Variants in SMTN observed in about 807,000 individuals in gnomAD.
SMTN encodes the protein smoothelin.
In SMTN, 58 loss-of-function variants were observed where a neutral mutation model predicts 102.0. That is an observed-to-expected ratio of 0.57 (90% CI 0.46 to 0.71). SMTN has a LOEUF of 0.71. Ranked by LOEUF, SMTN falls within the 30% of genes least tolerant of loss-of-function variation. The pLI is 0.00. For synonymous variants in SMTN, 478 were observed against 497.9 expected (o/e 0.96, Z 0.53); for missense variants, 1,185 against 1,241.7 (o/e 0.95, Z 0.69).
At chr22:31,089,149 T>G (rs1217652495) in intron 6 of SMTN, among the ~76,000 whole-genome samples, 180 bp downstream of exon 6, 1 of 152,182 alleles carries the variant, frequency 6.6e-6, no homozygotes, top group Non-Finnish European at 1.5e-5. Flanking sequence ...GCACCTCCCC[T>G]GCTTCAACCC....
intron 20 of SMTN, 23 bp downstream of exon 20, chr22:31,101,072 C>T (rs2044051822): frequency 6.4e-7 from 1 of 1,569,996 alleles, no homozygotes. Flanking sequence ...GCCTCTACCA[C>T]CTGCCCCGTT....
At position 31,088,059 on chromosome 22, in the gene SMTN, T is replaced by G; in HGVS notation, c.146T>G (p.Leu49Arg). 2 of 1,612,064 alleles carry G rather than the reference T, an allele frequency of 1.2e-6. No homozygotes were observed. The highest frequency in any genetic ancestry group is 1.3e-5 in the African/African-American group (1 of 75,026). Reference protein sequence around the residue: ...RQELEREEEALASKRFRAERQ... With the variant: ...RQELEREEEARASKRFRAERQ... ...GAGCTGGAGCGCGAGGAGGAGGCCC[T>G]GGCATCCAAGCGTTTCCGTGCCGAG... is the stretch of plus-strand genomic sequence containing the variant. Residue 49 changes from leucine to arginine, a missense_variant, in exon 3 of 21, where the codon CTG becomes CGG. Transcript: ENST00000333137.
chr22:31,071,696 C>CTTT (rs760104691), intron 1 of SMTN, among the ~76,000 whole-genome samples: 2 of 87,808 alleles, frequency 2.3e-5, no homozygotes, highest in East Asian at 2.5e-4. Context: ...CTCTCTCTCT[C>CTTT]TTTTTTTTTT....
intron 13 of SMTN, chr22:31,096,454 A>G (rs933482751): frequency 1.1e-5 from 4 of 372,170 alleles, no homozygotes; most frequent in African/African-American, 8.4e-5. Context: ...ACTCATGCCT[A>G]TAGAAACCCT....
At chr22:31,088,397 C>A in intron 3 of SMTN, 116 bp from the exon 4 acceptor site, 1 of 926,008 alleles carries the variant, frequency 1.1e-6, no homozygotes, top group Non-Finnish European at 1.7e-6. Flanking sequence ...AGGGTGTGCA[C>A]AGCCACATGC....
chr22:31,079,816 T>A (rs937804802), upstream of SMTN, among the ~76,000 whole-genome samples: 1 of 152,202 alleles, frequency 6.6e-6, no homozygotes, highest in Non-Finnish European at 1.5e-5. Flanking sequence ...TAGGCTGGAG[T>A]GCAGTGGCAC....
chr22:31,104,470 G>A lies in SMTN; in HGVS notation c.*175G>A. On this transcript the variant is annotated 3_prime_UTR_variant, in exon 21 of 21. Transcript: ENST00000333137. Reference sequence around the variant, plus strand: ...CCTGCGCGGCAAGAATGTCTAGCCTGCCCGCCCGCATGGCCAGCCAGTGGC... The same window carrying A: ...CCTGCGCGGCAAGAATGTCTAGCCTACCCGCCCGCATGGCCAGCCAGTGGC... 6.2e-7 allele frequency: 1 copy of A among 1,612,052 alleles called. No individual in the cohort carries two copies. The highest frequency in any genetic ancestry group is 8.5e-7 in the Non-Finnish European group (1 of 1,179,808).
rs1280053884 is a variant in SMTN, at chr22:31,104,465, A to G, written c.*170A>G. 1 of 1,612,860 alleles carries G rather than the reference A, an allele frequency of 6.2e-7. No homozygotes were observed. The highest frequency in any genetic ancestry group is 2.2e-5 in the East Asian group (1 of 44,832). ...CTGCGCCTGCGCGGCAAGAATGTCT[A>G]GCCTGCCCGCCCGCATGGCCAGCCA... is the stretch of plus-strand genomic sequence containing the variant. On this transcript the variant is annotated 3_prime_UTR_variant, in exon 21 of 21. Coordinates refer to ENST00000333137, the MANE Select transcript of SMTN (RefSeq NM_134269.3).
At chr22:31,098,588 C>CA in intron 16 of SMTN, 79 bp from the exon 17 acceptor site, 1 of 1,436,694 alleles carries the variant, frequency 7.0e-7, no homozygotes, top group South Asian at 1.3e-5. Context: ...CAAGACCCCC[C>CA]CTCCTCCTCG....
Position 31,099,043 on chromosome 22 carries a change from C to A in SMTN, c.2334-19C>A. The A allele has an allele frequency of 6.2e-7, 1 of 1,605,894 alleles. No individual in the cohort carries two copies. The highest frequency in any genetic ancestry group is 8.5e-7 in the Non-Finnish European group (1 of 1,177,126). ...GCCCCTTATAGTCGTGTGACCTGGT[C>A]CTGACACCGCCCCTACAGCAGCCCT... On this transcript the variant is annotated intron_variant, in intron 17 of 20. Transcript: ENST00000333137.
chr22:31,082,932 TCC>T, intron 1 of SMTN: 1 of 1,533,078 alleles, frequency 6.5e-7, no homozygotes, highest in Non-Finnish European at 8.8e-7. Context: ...TGAGAGTCCA[TCC>T]CAGGCCACAC....
chr22:31,101,096 C>T (rs2044053996), intron 20 of SMTN, 47 bp downstream of exon 20: 2 of 1,532,698 alleles, frequency 1.3e-6, no homozygotes, highest in Non-Finnish European at 1.8e-6. Flanking sequence ...CCAGAATCTG[C>T]TCAGCAAGGC....
At chr22:31,101,217 C>T (rs2147817806) in intron 20 of SMTN, 168 bp downstream of exon 20, 5 of 640,660 alleles carry the variant, frequency 7.8e-6, no homozygotes, top group Admixed American at 2.9e-5. Flanking sequence ...CAGGTGAGAC[C>T]ATTCTAAATG....
chr22:31,085,241 A>T, intron 2 of SMTN: 1 of 1,531,616 alleles, frequency 6.5e-7, no homozygotes, highest in Non-Finnish European at 8.7e-7. Context: ...AGCAGGCGGT[A>T]GCGGGTGTCT....
chr22:31,091,530 G>A (rs372705008), intron 10 of SMTN, 48 bp downstream of exon 10: 13 of 1,510,758 alleles, frequency 8.6e-6, no homozygotes, highest in East Asian at 4.5e-5. Flanking sequence ...GCCTGCAACC[G>A]CACTTCTGCA....
chr22:31,091,539 C>A, intron 10 of SMTN, 57 bp downstream of exon 10: 1 of 1,508,372 alleles, frequency 6.6e-7, no homozygotes, highest in Non-Finnish European at 8.9e-7. Context: ...CGCACTTCTG[C>A]ATGCAGGACA....
intron 1 of SMTN, chr22:31,082,600 A>G (rs922064347): frequency 3.5e-6 from 2 of 567,666 alleles, no homozygotes; most frequent in Admixed American, 4.4e-5. Flanking sequence ...AATTGGCAGG[A>G]GGTGCTGGGT....
At chr22:31,068,239 G>C (rs1016442605) in intron 1 of SMTN, 5 of 151,944 alleles carry the variant, frequency 3.3e-5, no homozygotes, top group Admixed American at 3.3e-4. Context: ...GGGAGGCGGA[G>C]ATTGCAGTCA....
At position 31,091,028 on chromosome 22, in the gene SMTN, C is replaced by CA. The variant is rs1267811342; in HGVS notation, c.1007dup (p.Phe337ValfsTer4). ...CTGGCTCTGTGCGGGATCGTGTCCA[C>CA]AAGTTCACATCTGATTCTCCTATGG... is the stretch of plus-strand genomic sequence containing the variant. On this transcript the variant is annotated frameshift_variant, in exon 10 of 21. Transcript: ENST00000333137. LOFTEE classifies it high-confidence loss of function. The CA allele has an allele frequency of 6.2e-7, 1 of 1,613,974 alleles. No individual in the cohort carries two copies. The highest frequency in any genetic ancestry group is 1.3e-5 in the African/African-American group (1 of 74,900).
Sources: allele counts gnomAD v4.1 joint callset (sites outside exome capture counted in the v4.1 genomes callset), GRCh38; gene constraint gnomAD v4.1.1; transcripts MANE v1.5; gene names NCBI Gene and HGNC (gene_info 2026-07-23, HGNC 2026-07-21).